Variants in RORA observed in about 807,000 individuals in gnomAD.
RORA encodes nuclear receptor ROR-alpha.
A neutral mutation model predicts 69.5 loss-of-function variants in RORA; 7 were observed. The ratio of observed to expected loss-of-function variants is 0.10; its 90% CI spans 0.06 to 0.19. The LOEUF (loss-of-function observed/expected upper bound fraction) is 0.19. Among genes scored for constraint, RORA ranks in the 10% least tolerant of loss-of-function variants. RORA has a pLI of 1.00. For missense variants in RORA, 457 were observed against 663.0 expected, an observed-to-expected ratio of 0.69 and a Z score of 3.41; for synonymous variants, 261 against 240.8, an observed-to-expected ratio of 1.08 and a Z score of -0.78.
intron 1 of RORA, among the ~76,000 whole-genome samples, chr15:61,185,809 G>C (rs2079735768): frequency 6.6e-6 from 1 of 152,126 alleles, no homozygotes; most frequent in Non-Finnish European, 1.5e-5. Flanking sequence ...CTCCTCAGGA[G>C]AAGGTCGTCG....
intron 1 of RORA, among the ~76,000 whole-genome samples, chr15:61,185,908 C>T (rs575624007): frequency 1.3e-5 from 2 of 152,224 alleles, no homozygotes; most frequent in East Asian, 3.9e-4. Flanking sequence ...ATTATTTTTC[C>T]CTGGAATGCC....
At chr15:60,864,770 G>A (rs2073469270) in intron 1 of RORA, among the ~76,000 whole-genome samples, 1 of 152,358 alleles carries the variant, frequency 6.6e-6, no homozygotes, top group South Asian at 2.1e-4. Flanking sequence ...GAAGAAGACA[G>A]GAGCCCCATG....
At chr15:60,707,886 G>T (rs1354965304) in intron 1 of RORA, among the ~76,000 whole-genome samples, 2 of 152,106 alleles carry the variant, frequency 1.3e-5, no homozygotes, top group Non-Finnish European at 2.9e-5. Flanking sequence ...TTAATACTGG[G>T]GCACATACTA....
intron 1 of RORA, among the ~76,000 whole-genome samples, chr15:60,803,364 G>A (rs2072614528): frequency 6.6e-6 from 1 of 152,204 alleles, no homozygotes; most frequent in African/African-American, 2.4e-5. Flanking sequence ...TGAAAAGAGA[G>A]CTGGGGCTTA....
intron 2 of RORA, among the ~76,000 whole-genome samples, chr15:60,607,516 GGT>G (rs1323815977): frequency 6.6e-6 from 1 of 152,126 alleles, no homozygotes; most frequent in Non-Finnish European, 1.5e-5. Context: ...CAAGGACTTA[GGT>G]GTTCTTGTTT....
chr15:60,666,346 CTTTTT>C (rs1161494532), intron 2 of RORA, among the ~76,000 whole-genome samples: 50 of 132,442 alleles, frequency 3.8e-4, no homozygotes, highest in Non-Finnish European at 6.6e-4. Flanking sequence ...TAATTTCTTT[CTTTTT>C]TTTTTTTTTT....
chr15:61,088,494 T>TA, intron 1 of RORA, among the ~76,000 whole-genome samples: 1 of 152,224 alleles, frequency 6.6e-6, no homozygotes. Flanking sequence ...ACAGGAGACA[T>TA]ACAGCTGTAG....
intron 1 of RORA, among the ~76,000 whole-genome samples, chr15:60,725,833 C>G (rs1431946450): frequency 4.6e-5 from 7 of 152,106 alleles, no homozygotes. Context: ...TAAATGTCCT[C>G]CACTGGGTCA....
intron 1 of RORA, among the ~76,000 whole-genome samples, chr15:60,718,568 T>C (rs966769595): frequency 5.9e-5 from 9 of 152,242 alleles, no homozygotes; most frequent in African/African-American, 2.2e-4. Context: ...GGTTGTTAGC[T>C]AAATTTGACT....
At chr15:61,067,193 C>A (rs1287962189) in intron 1 of RORA, among the ~76,000 whole-genome samples, 1 of 150,884 alleles carries the variant, frequency 6.6e-6, no homozygotes, top group Non-Finnish European at 1.5e-5. Flanking sequence ...TTCACTGCAA[C>A]CTCTGCCTCC....
chr15:61,046,946 G>A (rs1036292300), intron 1 of RORA, among the ~76,000 whole-genome samples: 1 of 152,226 alleles, frequency 6.6e-6, no homozygotes, highest in Non-Finnish European at 1.5e-5. Context: ...GCAAGCTCAA[G>A]GCCCTTCTTG....
intron 1 of RORA, among the ~76,000 whole-genome samples, chr15:60,715,569 C>G (rs954619937): frequency 1.3e-5 from 2 of 152,136 alleles, no homozygotes; most frequent in Middle Eastern, 3.2e-3. Flanking sequence ...TTTGCATTCA[C>G]AAAAATTGCA....
chr15:61,086,806 C>G (rs2078632354), intron 1 of RORA, among the ~76,000 whole-genome samples: 1 of 151,604 alleles, frequency 6.6e-6, no homozygotes, highest in African/African-American at 2.4e-5. Context: ...TATTGGAAAA[C>G]AGCCAAACTC....
At chr15:60,837,276 T>C (rs186288696) in intron 1 of RORA, among the ~76,000 whole-genome samples, 122 of 152,286 alleles carry the variant, frequency 8.0e-4, no homozygotes, top group Non-Finnish European at 1.0e-4. Context: ...ATTTCCTATG[T>C]TTGTGTCAAT....
chr15:60,801,027 T>C (rs1055310167), intron 1 of RORA, among the ~76,000 whole-genome samples: 14 of 152,192 alleles, frequency 9.2e-5, no homozygotes, highest in Admixed American at 9.2e-4. Flanking sequence ...AAACTAGACG[T>C]GAAGGGACTT....
chr15:61,111,330 T>C (rs1233028089), intron 1 of RORA, among the ~76,000 whole-genome samples: 1 of 152,210 alleles, frequency 6.6e-6, no homozygotes, highest in Non-Finnish European at 1.5e-5. Flanking sequence ...TGCTTACTGG[T>C]GCACTGGTTC....
intron 1 of RORA, among the ~76,000 whole-genome samples, chr15:60,832,948 A>G (rs2073064494): frequency 1.3e-5 from 2 of 151,722 alleles, no homozygotes; most frequent in Admixed American, 1.3e-4. Flanking sequence ...TGTGTCGCCC[A>G]GGCTGGAGTG....
At chr15:60,501,564 T>C (rs1252350604) in intron 8 of RORA, among the ~76,000 whole-genome samples, 1 of 152,178 alleles carries the variant, frequency 6.6e-6, no homozygotes, top group Non-Finnish European at 1.5e-5. Context: ...GGCTGACTGA[T>C]TTCAGAGCCT....
intron 2 of RORA, among the ~76,000 whole-genome samples, chr15:60,673,757 C>G (rs1240861009): frequency 6.6e-6 from 1 of 152,160 alleles, no homozygotes; most frequent in East Asian, 1.9e-4. Flanking sequence ...CCTATCTTGT[C>G]TCCCTCTAGT....
Sources: gnomAD v4.1 joint callset for allele counts (sites outside exome capture counted in the v4.1 genomes callset) on GRCh38, gnomAD v4.1.1 for gene constraint, MANE v1.5 for transcripts, NCBI Gene and HGNC (gene_info 2026-07-23, HGNC 2026-07-21) for gene names.